KCTD16: variants seen among roughly 807,000 people sequenced by gnomAD.
The protein encoded by KCTD16 is BTB/POZ domain-containing protein KCTD16.
In KCTD16, 13 loss-of-function variants were observed where a neutral mutation model predicts 33.2. The observed-to-expected ratio is 0.39, with a 90% CI of 0.25 to 0.62. The LOEUF (loss-of-function observed/expected upper bound fraction) is 0.62. KCTD16 is among the 20% of genes least tolerant of loss of function. The probability of loss-of-function intolerance (pLI) is 0.50; values close to 1 mark genes in which losing one functional copy is unlikely to be tolerated. For missense variants in KCTD16, 441 were observed against 525.1 expected (o/e 0.84, Z 1.57); for synonymous variants, 197 against 195.3 (o/e 1.01, Z -0.07).
At chr5:144,385,196 TA>T (rs1752298121) in intron 3 of KCTD16, 1 of 152,232 alleles carries the variant, frequency 6.6e-6, no homozygotes, top group African/African-American at 2.4e-5. Context: ...ATTCAGGCTA[TA>T]ACCTCTCAAT....
At chr5:144,318,201 AC>A (rs1751975985) in intron 3 of KCTD16, among the ~76,000 whole-genome samples, 1 of 152,090 alleles carries the variant, frequency 6.6e-6, no homozygotes, top group African/African-American at 2.4e-5. Flanking sequence ...CAAAGGCACA[AC>A]CCCGAGCGGC....
At chr5:144,210,784 T>C (rs1430489338) in intron 3 of KCTD16, among the ~76,000 whole-genome samples, 1 of 152,144 alleles carries the variant, frequency 6.6e-6, no homozygotes, top group Non-Finnish European at 1.5e-5. Flanking sequence ...TTGTTCTTGG[T>C]TGGAGAGAAT....
intron 2 of KCTD16, among the ~76,000 whole-genome samples, chr5:144,204,845 G>C (rs558430403): frequency 6.6e-6 from 1 of 152,092 alleles, no homozygotes; most frequent in South Asian, 2.1e-4. Flanking sequence ...GAAAAAAAGG[G>C]AGAATTTGAG....
chr5:144,413,935 C>A (rs1752989589), intron 3 of KCTD16, among the ~76,000 whole-genome samples: 1 of 152,160 alleles, frequency 6.6e-6, no homozygotes, highest in South Asian at 2.1e-4. Flanking sequence ...TACTTTTTCT[C>A]TGTGGATTGC....
At chr5:144,467,486 C>G (rs879494280) in intron 3 of KCTD16, among the ~76,000 whole-genome samples, 1 of 152,148 alleles carries the variant, frequency 6.6e-6, no homozygotes, top group Non-Finnish European at 1.5e-5. Flanking sequence ...AGGAAACAAG[C>G]ACATCCCTTG....
At chr5:144,316,451 A>G (rs1751914720) in intron 3 of KCTD16, among the ~76,000 whole-genome samples, 1 of 151,332 alleles carries the variant, frequency 6.6e-6, no homozygotes, top group Non-Finnish European at 1.5e-5. Context: ...AGCATGTATT[A>G]TCAAAGACTA....
At chr5:144,358,090 A>ATTTTTTTT (rs539287370) in intron 3 of KCTD16, among the ~76,000 whole-genome samples, 9 of 114,438 alleles carry the variant, frequency 7.9e-5, no homozygotes, top group East Asian at 2.4e-4. Context: ...CACCCGGCTA[A>ATTTTTTTT]TTTTTTTTTT....
chr5:144,446,458 A>G (rs1322723323), intron 3 of KCTD16, among the ~76,000 whole-genome samples: 1 of 152,180 alleles, frequency 6.6e-6, no homozygotes, highest in African/African-American at 2.4e-5. Context: ...AATCTCTGGA[A>G]GAAAACCTAG....
Position 144,452,146 on chromosome 5 carries a change from T to TTATATATATA in KCTD16, c.833-21504_833-21495dup, listed in dbSNP as rs140891816. The stretch of plus-strand genomic sequence containing the variant: ...CAAAACACATTAAATATATATAATA[T>TTATATATATA]TATATATATATATATATATTCCTGT... On this transcript the variant is annotated intron_variant, in intron 3 of 3. Coordinates refer to ENST00000512467, the MANE Select transcript of KCTD16 (RefSeq NM_020768.4). Among the ~76,000 whole-genome samples, 13 of 138,196 alleles carry TTATATATATA rather than the reference T, an allele frequency of 9.4e-5. 1 individual carries two copies. Among genetic ancestry groups the TTATATATATA allele is most frequent in the African/African-American group, 3.8e-4 (13 of 33,790 alleles). The allele number at this position is 138,196 out of a possible 152,430, so 90.7% of individuals were successfully genotyped here.
At chr5:144,245,923 G>GTCTCAGCTA (rs1754537280) in intron 3 of KCTD16, among the ~76,000 whole-genome samples, 1 of 152,140 alleles carries the variant, frequency 6.6e-6, no homozygotes, top group Non-Finnish European at 1.5e-5. Flanking sequence ...AAATTACCCA[G>GTCTCAGCTA]TCTCAGCTAT....
intron 3 of KCTD16, among the ~76,000 whole-genome samples, chr5:144,440,314 A>G (rs1316203471): frequency 6.6e-6 from 1 of 152,184 alleles, no homozygotes; most frequent in African/African-American, 2.4e-5. Flanking sequence ...ACTATGCGCC[A>G]TCGTCCTTTG....
At chr5:144,312,344 A>G (rs1454942760) in intron 3 of KCTD16, among the ~76,000 whole-genome samples, 1 of 152,128 alleles carries the variant, frequency 6.6e-6, no homozygotes, top group South Asian at 2.1e-4. Flanking sequence ...CTGATTAAAC[A>G]TATACAGTTG....
chr5:144,185,078 A>T (rs1281538601), intron 2 of KCTD16, among the ~76,000 whole-genome samples: 1 of 152,228 alleles, frequency 6.6e-6, no homozygotes, highest in Non-Finnish European at 1.5e-5. Flanking sequence ...ACTTCCTTAT[A>T]AATGGATACT....
chr5:144,283,603 A>G (rs1306487457), intron 3 of KCTD16, among the ~76,000 whole-genome samples: 1 of 152,208 alleles, frequency 6.6e-6, no homozygotes, highest in Non-Finnish European at 1.5e-5. Flanking sequence ...GCAACACCCA[A>G]ATATTTTCAG....
chr5:144,415,186 A>G (rs138891512), intron 3 of KCTD16, among the ~76,000 whole-genome samples: 23 of 152,204 alleles, frequency 1.5e-4, no homozygotes, highest in African/African-American at 4.8e-4. Flanking sequence ...TTTGTAAGAA[A>G]CCAACTCCCA....
intron 3 of KCTD16, among the ~76,000 whole-genome samples, chr5:144,393,896 G>A (rs1221623618): frequency 1.3e-5 from 2 of 151,504 alleles, no homozygotes; most frequent in Non-Finnish European, 2.9e-5. Context: ...CTCTCTAACA[G>A]GCTGAATTTT....
At chr5:144,358,090 ATT>A (rs539287370) in intron 3 of KCTD16, among the ~76,000 whole-genome samples, 5,482 of 114,040 alleles carry the variant, frequency 0.048, 169 homozygotes, top group African/African-American at 0.18. Context: ...CACCCGGCTA[ATT>A]TTTTTTTTTT....
At position 144,459,958 on chromosome 5, in the gene KCTD16, AG is replaced by A. The variant is rs964523328; in HGVS notation, c.833-13701del. On this transcript the variant is annotated intron_variant, in intron 3 of 3. Transcript: ENST00000512467. The stretch of plus-strand genomic sequence containing the variant: ...TCCATTCTCCTGCCTCAGTCTCCCG[AG>A]TTAACTGGGACTACAGGCATCTGCC... Among the ~76,000 whole-genome samples the A allele has an allele frequency of 3.4e-5, 4 of 118,840 alleles. No homozygotes were observed. In the Admixed American group the frequency reaches 3.8e-4, roughly 11 times the overall value. The allele number at this position is 118,840 out of a possible 152,430, so 78.0% of individuals were successfully genotyped here. A position where few individuals can be genotyped will look rare whatever the true frequency, so the allele number is the denominator to read the frequency against.
intron 3 of KCTD16, among the ~76,000 whole-genome samples, chr5:144,289,969 C>T (rs1755849134): frequency 6.6e-6 from 1 of 152,058 alleles, no homozygotes; most frequent in South Asian, 2.1e-4. Context: ...TTTAAATAAA[C>T]ATTTATTAAG....
Sources: allele counts gnomAD v4.1 joint callset (sites outside exome capture counted in the v4.1 genomes callset), GRCh38; gene constraint gnomAD v4.1.1; transcripts MANE v1.5; gene names NCBI Gene and HGNC (gene_info 2026-07-23, HGNC 2026-07-21).